Variants in ACSM3 observed in about 807,000 individuals in gnomAD.
ACSM3 encodes acyl-CoA synthetase medium chain family member 3.
In ACSM3, 61 loss-of-function variants were observed where a neutral mutation model predicts 74.1. The observed-to-expected ratio is 0.82, with a 90% CI of 0.67 to 1.02. The LOEUF (loss-of-function observed/expected upper bound fraction) is 1.02. Among genes scored for constraint, ACSM3 ranks in the 50% least tolerant of loss-of-function variants. ACSM3 has a pLI of 0.00. For synonymous variants in ACSM3, 213 were observed against 241.5 expected (o/e 0.88, Z 1.09); for missense variants, 660 against 697.0 (o/e 0.95, Z 0.60).
At chr16:20,775,458 T>G (rs2080244224) in intron 2 of ACSM3, among the ~76,000 whole-genome samples, 1 of 152,128 alleles carries the variant, frequency 6.6e-6, no homozygotes, top group East Asian at 1.9e-4. Context: ...ACTTACATTT[T>G]CCTCAAAATA....
At chr16:20,682,320 T>C in intron 1 of ACSM3, 1 of 1,614,002 alleles carries the variant, frequency 6.2e-7, no homozygotes, top group Non-Finnish European at 8.5e-7. Context: ...AGCTTGGTTT[T>C]CAGAGAGGGG....
chr16:20,754,347 G>A (rs2080012338), intron 2 of ACSM3, among the ~76,000 whole-genome samples: 1 of 152,076 alleles, frequency 6.6e-6, no homozygotes, highest in Non-Finnish European at 1.5e-5. Context: ...TTAAATAGGA[G>A]GCCATTAGAC....
At chr16:20,770,470 A>G (rs1043672139) in intron 2 of ACSM3, among the ~76,000 whole-genome samples, 1 of 152,192 alleles carries the variant, frequency 6.6e-6, no homozygotes, top group Non-Finnish European at 1.5e-5. Context: ...CGAAATGTCA[A>G]TAGTTCCATG....
intron 1 of ACSM3, among the ~76,000 whole-genome samples, chr16:20,687,289 A>G (rs1383001769): frequency 6.6e-6 from 1 of 152,188 alleles, no homozygotes. Flanking sequence ...GAAATACAAT[A>G]AAACATGTAA....
intron 1 of ACSM3, chr16:20,738,952 G>A: frequency 2.5e-6 from 4 of 1,614,156 alleles, no homozygotes; most frequent in East Asian, 4.5e-5. Flanking sequence ...CCACTGACTG[G>A]AATCTTCTTA....
intron 1 of ACSM3, chr16:20,727,535 G>A (rs2079811159): frequency 3.3e-6 from 1 of 307,574 alleles, no homozygotes; most frequent in African/African-American, 2.3e-5. Context: ...TTTTCAACCT[G>A]AGCCCCTGAA....
intron 3 of ACSM3, among the ~76,000 whole-genome samples, chr16:20,756,219 A>G (rs1370293430): frequency 2.6e-5 from 4 of 152,048 alleles, no homozygotes; most frequent in African/African-American, 4.8e-5. Flanking sequence ...ACTGACTTCC[A>G]CAATGGTTGA....
chr16:20,700,381 A>G (rs2079709866), intron 1 of ACSM3, among the ~76,000 whole-genome samples: 1 of 152,180 alleles, frequency 6.6e-6, no homozygotes, highest in South Asian at 2.1e-4. Flanking sequence ...ACTGCCAAAA[A>G]GAAAACAGAA....
At chr16:20,729,640 T>C (rs937064816) in intron 1 of ACSM3, 3 of 231,260 alleles carry the variant, frequency 1.3e-5, no homozygotes, top group African/African-American at 4.6e-5. Flanking sequence ...CCAAAAGTGG[T>C]CATTTAATTC....
rs564513325 is a variant in ACSM3 at position 20,711,844 on chromosome 16, G to C, written c.-190+37022G>C. 4.6e-5 allele frequency among the ~76,000 whole-genome samples: 7 copies of C among 152,280 alleles called. No homozygotes were observed. In the South Asian group the frequency reaches 1.2e-3, roughly 27 times the overall value. On this transcript the variant is annotated intron_variant, in intron 1 of 3. Transcript: ENST00000561584. ...ACCAGATTTAAGGGCATAAGGAAGG[G>C]ATGTAGTTCTGCCTCCATCCTCCTG... is the stretch of plus-strand genomic sequence containing the variant.
At position 20,781,721 on chromosome 16, in the gene ACSM3, A is replaced by T. The variant is rs2080357144; in HGVS notation, c.953A>T (p.Tyr318Phe). The change falls in exon 7 of 14, where the codon TAC becomes TTC. Residue 318 changes from tyrosine to phenylalanine, a missense_variant. Tyr to Phe is a conservative substitution (Grantham distance 22). Transcript: ENST00000289416. Reference protein sequence around the residue: ...PTSILQTLSKYPITVFCSAPT... With the variant: ...PTSILQTLSKFPITVFCSAPT... ...TCTAAATTGCAGACACTCTCCAAGT[A>T]CCCCATCACAGTCTTCTGTTCAGCA... The T allele has an allele frequency of 1.2e-6, 2 of 1,612,660 alleles. No individual in the cohort carries two copies. Among genetic ancestry groups the T allele is most frequent in the African/African-American group, 2.7e-5 (2 of 74,894 alleles).
chr16:20,795,641 C>T (rs1287496908), intron 12 of ACSM3, among the ~76,000 whole-genome samples: 2 of 152,210 alleles, frequency 1.3e-5, no homozygotes, highest in Non-Finnish European at 2.9e-5. Context: ...ACTGTGCCTA[C>T]AGGGAAGCAT....
At chr16:20,704,924 T>C (rs1194896117) in intron 1 of ACSM3, among the ~76,000 whole-genome samples, 5 of 152,214 alleles carry the variant, frequency 3.3e-5, no homozygotes, top group African/African-American at 1.2e-4. Flanking sequence ...GTGGCACAGA[T>C]AAATCAAATA....
intron 1 of ACSM3, chr16:20,676,284 C>T (rs990343022): frequency 6.6e-6 from 1 of 152,218 alleles, no homozygotes; most frequent in African/African-American, 2.4e-5. Flanking sequence ...GCTTCAGCAC[C>T]TACAAAAGTG....
At chr16:20,675,568 A>C (rs2020226032) in intron 1 of ACSM3, among the ~76,000 whole-genome samples, 1 of 152,212 alleles carries the variant, frequency 6.6e-6, no homozygotes, top group African/African-American at 2.4e-5. Flanking sequence ...CTCCTTTTGG[A>C]GTGCATGATA....
intron 1 of ACSM3, chr16:20,741,745 G>C: frequency 6.4e-7 from 1 of 1,564,366 alleles, no homozygotes; most frequent in Non-Finnish European, 8.7e-7. Flanking sequence ...GCCATGGTGT[G>C]CGCAAACTGA....
chr16:20,684,752 A>T (rs1001910664), intron 1 of ACSM3, among the ~76,000 whole-genome samples: 6 of 152,204 alleles, frequency 3.9e-5, no homozygotes, highest in Non-Finnish European at 8.8e-5. Context: ...AAGGGAGAGA[A>T]AGAGAGAGGG....
At chr16:20,741,210 A>G (rs1443690669) in intron 1 of ACSM3, among the ~76,000 whole-genome samples, 1 of 152,198 alleles carries the variant, frequency 6.6e-6, no homozygotes, top group Non-Finnish European at 1.5e-5. Context: ...ACGCCACTGC[A>G]CTCCAGCCTC....
At position 20,783,303 on chromosome 16, in the gene ACSM3, C is replaced by T. The variant is rs939039105; in HGVS notation, c.1019+1516C>T. The T allele has an allele frequency of 3.3e-5, 5 of 152,302 alleles. No homozygotes were observed. The East Asian group carries it at 9.6e-4, about 29-fold the overall frequency. 9.4% of individuals were successfully genotyped at this position (152,302 alleles called of 1,614,324 possible). The stretch of plus-strand genomic sequence containing the variant: ...TACAAAGGTTTTAGAAGCTCTGGGC[C>T]AGGAACCCAGGATGAAGACTCAGTA... On this transcript the variant is annotated intron_variant, in intron 7 of 13. Coordinates refer to ENST00000289416, the MANE Select transcript of ACSM3 (RefSeq NM_005622.4).
Sources: allele counts gnomAD v4.1 joint callset (sites outside exome capture counted in the v4.1 genomes callset), GRCh38; gene constraint gnomAD v4.1.1; transcripts MANE v1.5; gene names NCBI Gene and HGNC (gene_info 2026-07-23, HGNC 2026-07-21).